ZACN: variants seen among roughly 807,000 people sequenced by gnomAD.
ZACN encodes the protein zinc activated ion channel, also known as ligand-gated cation channel ZACN.
In ZACN, 52 loss-of-function variants were observed where a neutral mutation model predicts 38.9. The observed-to-expected ratio is 1.34, with a 90% CI of 1.07 to 1.68. The LOEUF (loss-of-function observed/expected upper bound fraction) is 1.68, where lower values mean the gene tolerates loss of function less well. ZACN is among the 40% of genes most tolerant of loss of function. ZACN has a pLI of 0.00. For missense variants in ZACN, 559 were observed against 525.6 expected (o/e 1.06, Z -0.62); for synonymous variants, 235 against 227.4 (o/e 1.03, Z -0.30).
rs1319686230 is a variant in ZACN, at chr17:76,079,891, T to C, written c.271T>C (p.Trp91Arg). The change falls in exon 4 of 9, where the codon TGG (tryptophan) becomes CGG (arginine). Residue 91 changes from tryptophan to arginine, a missense_variant. Physicochemically the swap from Trp to Arg is moderately radical, Grantham distance 101. Coordinates refer to ENST00000334586, the MANE Select transcript of ZACN (RefSeq NM_180990.4). Reference sequence around the variant, plus strand: ...AGTGGTGCCCTTGTGTCCCCAGTCCTGGCTGGACACTCGCCTGGCCTGGAA... The same window carrying C: ...AGTGGTGCCCTTGTGTCCCCAGTCCCGGCTGGACACTCGCCTGGCCTGGAA... ...MSSMLLLRLS[W>R]LDTRLAWNTS... 1 of 1,593,478 alleles carries C rather than the reference T, an allele frequency of 6.3e-7. No individual in the cohort carries two copies. Among genetic ancestry groups the C allele is most frequent in the African/African-American group, 1.3e-5 (1 of 74,362 alleles).
rs758965476 is a variant in ZACN, at chr17:76,080,312, C to G, written c.432C>G (p.His144Gln). 6 of 1,613,724 alleles carry G rather than the reference C, an allele frequency of 3.7e-6. No individual in the cohort carries two copies. The highest frequency in any genetic ancestry group is 3.4e-6 in the Non-Finnish European group (4 of 1,179,882). The stretch of plus-strand genomic sequence containing the variant: ...AGGCTCGAGTAGACCAGGACGGCCA[C>G]GTGAAGCTCAACCTGGCCCTCGCCA... ...SPQARVDQDGHVKLNLALATE... is the reference protein window; with the variant it reads ...SPQARVDQDGQVKLNLALATE... The change falls in exon 5 of 9, where the codon CAC becomes CAG. Residue 144 changes from histidine to glutamine, a missense_variant. Coordinates refer to ENST00000334586, the MANE Select transcript of ZACN (RefSeq NM_180990.4).
chr17:76,080,906 G>A (rs113433661), intron 5 of ZACN: 3 of 445,902 alleles, frequency 6.7e-6, no homozygotes, highest in Non-Finnish European at 1.3e-5. Flanking sequence ...TAACTTGGCA[G>A]AGAAGTCCTA....
chr17:76,082,034 C>A lies in ZACN; in HGVS notation c.1033C>A (p.Pro345Thr). Residue 345 changes from proline (P) to threonine (T), a missense_variant, in exon 8 of 9, where the codon CCT (proline) becomes ACT (threonine). Transcript: ENST00000334586. ...ACAGCGAGAGCACGGCAACCCAGGG[C>A]CTCATCCTGCTGAAGGTGGGCAGGG... The part of the protein sequence containing the change: ...GEQREHGNPG[P>T]HPAEEPSRGV... The A allele has an allele frequency of 6.2e-7, 1 of 1,609,106 alleles. No individual in the cohort carries two copies. The highest frequency in any genetic ancestry group is 1.7e-4 in the Middle Eastern group (1 of 6,018).
chr17:76,080,361 C>G lies in ZACN; in HGVS notation c.481C>G (p.Leu161Val), dbSNP rs759503538. 4 of 1,613,834 alleles carry G rather than the reference C, an allele frequency of 2.5e-6. No homozygotes were observed. The highest frequency in any genetic ancestry group is 3.4e-6 in the Non-Finnish European group (4 of 1,179,822). The change falls in exon 5 of 9, where the codon CTC becomes GTC. Residue 161 changes from leucine to valine, a missense_variant. By Grantham distance (32) the Leu-to-Val change is conservative (BLOSUM62 1). Transcript: ENST00000334586. ...LATETNCNFE[L>V]LHFPRDHSNC... ...CACGGAGACCAACTGCAACTTTGAG[C>G]TCCTCCACTTCCCCCGGGACCACAG...
At position 76,082,719 on chromosome 17, in the gene ZACN, T is replaced by C; in HGVS notation, c.*66T>C. 1 of 1,480,610 alleles carries C rather than the reference T, an allele frequency of 6.8e-7. No individual in the cohort carries two copies. The highest frequency in any genetic ancestry group is 9.0e-7 in the Non-Finnish European group (1 of 1,111,426). The allele number at this position is 1,480,610 out of a possible 1,614,324, so 91.7% of individuals were successfully genotyped here. On this transcript the variant is annotated 3_prime_UTR_variant, in exon 9 of 9. Transcript: ENST00000334586. The stretch of plus-strand genomic sequence containing the variant: ...CTTTCCCATGGCTGGGGGCGGGCCA[T>C]GACAGGGCCTCTGGATTAAGCCACC...
Position 76,079,929 on chromosome 17 carries a change from C to T in ZACN, c.309C>T (p.His103=). The T allele has an allele frequency of 3.7e-6, 6 of 1,600,602 alleles. No homozygotes were observed. The highest frequency in any genetic ancestry group is 4.3e-6 in the Non-Finnish European group (5 of 1,173,742). ...DTRLAWNTSA[H]PRHAITLPWE... Reference sequence around the variant, plus strand: ...GCCTGGCCTGGAACACTAGTGCACACCCGCGGCACGCCATCACGCTGCCCT... The same window carrying T: ...GCCTGGCCTGGAACACTAGTGCACATCCGCGGCACGCCATCACGCTGCCCT... Residue 103 remains histidine, a synonymous_variant, in exon 4 of 9, where the codon CAC becomes CAT. Transcript: ENST00000334586.
chr17:76,080,014 C>A lies in ZACN; in HGVS notation c.374+20C>A, dbSNP rs764362832. 1 of 1,553,532 alleles carries A rather than the reference C, an allele frequency of 6.4e-7. No homozygotes were observed. The highest frequency in any genetic ancestry group is 8.7e-7 in the Non-Finnish European group (1 of 1,148,458). On this transcript the variant is annotated intron_variant, in intron 4 of 8. Coordinates refer to ENST00000334586, the MANE Select transcript of ZACN (RefSeq NM_180990.4). Reference sequence around the variant, plus strand: ...GGAGGCGTAAGTGAGACAGTTCCTGCCCCAGGAATCTGCCATGCATAGCCC... The same window carrying A: ...GGAGGCGTAAGTGAGACAGTTCCTGACCCAGGAATCTGCCATGCATAGCCC...
intron 5 of ZACN, chr17:76,080,838 C>T (rs1315094704): frequency 4.2e-6 from 2 of 473,510 alleles, no homozygotes; most frequent in Non-Finnish European, 8.4e-6. Context: ...GCCATGGCCT[C>T]ACTCCTGGAA....
In ZACN at chr17:76,081,357, G is replaced by C; in HGVS notation, c.624G>C (p.Lys208Asn). ...VKREYVVYDLKTQVPPQQLVP... is the reference protein window; with the variant it reads ...VKREYVVYDLNTQVPPQQLVP... The stretch of plus-strand genomic sequence containing the variant: ...GGGAATACGTAGTTTATGATCTGAA[G>C]ACCCAAGTCCCACCCCAGCAGCTGG... The change falls in exon 6 of 9, where the codon AAG (lysine) becomes AAC (asparagine). Residue 208 changes from lysine (K) to asparagine (N), a missense_variant. Lys to Asn is a moderately conservative substitution (Grantham distance 94). Coordinates refer to ENST00000334586, the MANE Select transcript of ZACN (RefSeq NM_180990.4). The C allele has an allele frequency of 6.2e-7, 1 of 1,614,178 alleles. No individual in the cohort carries two copies.
intron 5 of ZACN, chr17:76,081,068 T>C: frequency 1.7e-6 from 1 of 579,680 alleles, no homozygotes; most frequent in African/African-American, 1.9e-5. Flanking sequence ...TCTATGAATC[T>C]GATAAAGGCC....
At position 76,079,366 on chromosome 17, in the gene ZACN, G is replaced by A. The variant is rs2066915825; in HGVS notation, c.97+5G>A. Reference sequence around the variant, plus strand: ...GCTTCCAAGGGACAGCAGCCAGTAGGTGGAGGGCAAGGTCATAAGCTTTGG... The same window carrying A: ...GCTTCCAAGGGACAGCAGCCAGTAGATGGAGGGCAAGGTCATAAGCTTTGG... On this transcript the variant is annotated splice_donor_5th_base_variant and intron_variant, in intron 1 of 8. Coordinates refer to ENST00000334586, the MANE Select transcript of ZACN (RefSeq NM_180990.4). 2.5e-6 allele frequency: 4 copies of A among 1,613,978 alleles called. No homozygotes were observed. The highest frequency in any genetic ancestry group is 3.4e-6 in the Non-Finnish European group (4 of 1,179,956).
intron 5 of ZACN, 63 bp from the exon 6 acceptor site, chr17:76,081,215 C>A: frequency 6.3e-7 from 1 of 1,599,102 alleles, no homozygotes; most frequent in South Asian, 1.1e-5. Flanking sequence ...CAGTCTGCTA[C>A]CCCCAGACTT....
Position 76,081,640 on chromosome 17 carries a change from C to T in ZACN, c.765C>T (p.Pro255=). Residue 255 remains proline, a synonymous_variant, in exon 7 of 9, where the codon CCC becomes CCT. Coordinates refer to ENST00000334586, the MANE Select transcript of ZACN (RefSeq NM_180990.4). ...CTGACGTGTGCGGGGGGTTGCTGCC[C>T]CTCCGGGCCATTGAGCGCATAGGCT... ...LLADVCGGLL[P]LRAIERIGYK... The T allele has an allele frequency of 6.2e-7, 1 of 1,614,134 alleles. No individual in the cohort carries two copies.
intron 1 of ZACN, 30 bp downstream of exon 1, chr17:76,079,391 G>T (rs754152108): frequency 1.9e-6 from 3 of 1,614,008 alleles, no homozygotes. Context: ...ATAAGCTTTG[G>T]GACTTGGGCC....
At position 76,081,599 on chromosome 17, in the gene ZACN, G is replaced by C. The variant is rs1187341850; in HGVS notation, c.724G>C (p.Glu242Gln). 1 of 1,614,040 alleles carries C rather than the reference G, an allele frequency of 6.2e-7. No homozygotes were observed. Among genetic ancestry groups the C allele is most frequent in the East Asian group, 2.2e-5 (1 of 44,886 alleles). ...CATCATCGCTCTCTTGGTGCCTGCA[G>C]AGGCACTGCTGTTGGCTGACGTGTG... ...KSIIALLVPA[E>Q]ALLLADVCGG... Residue 242 changes from glutamate to glutamine, a missense_variant, in exon 7 of 9, where the codon GAG becomes CAG. By Grantham distance (29) the Glu-to-Gln change is conservative. Transcript: ENST00000334586.
chr17:76,081,295 C>T lies in ZACN; in HGVS notation c.562C>T (p.Gln188Ter). ...CCCCTCAGCGATGGAGTTAGAGTTC[C>T]AGGCCCACGTGGTGAACGAGATTGT... ...LSNTAMELEF[Q>*]AHVVNEIVSV... The change falls in exon 6 of 9, where the codon CAG becomes TAG. Residue 188 changes from glutamine to a stop codon, truncating the protein, a stop_gained. Coordinates refer to ENST00000334586, the MANE Select transcript of ZACN (RefSeq NM_180990.4). LOFTEE classifies it high-confidence loss of function. The T allele has an allele frequency of 6.2e-7, 1 of 1,613,960 alleles. No individual in the cohort carries two copies. The highest frequency in any genetic ancestry group is 8.5e-7 in the Non-Finnish European group (1 of 1,180,016).
In ZACN at chr17:76,081,690, A is replaced by T. The variant is rs1479548159; in HGVS notation, c.815A>T (p.Tyr272Phe). 6.2e-7 allele frequency: 1 copy of T among 1,613,954 alleles called. No individual in the cohort carries two copies. The highest frequency in any genetic ancestry group is 1.7e-5 in the Admixed American group (1 of 60,008). Residue 272 changes from tyrosine to phenylalanine, a missense_variant, in exon 7 of 9, where the codon TAC (tyrosine) becomes TTC (phenylalanine). Coordinates refer to ENST00000334586, the MANE Select transcript of ZACN (RefSeq NM_180990.4). The stretch of plus-strand genomic sequence containing the variant: ...TACAAGGTGACATTGCTGCTGAGTT[A>T]CCTCGTCCTCCACTCCTCCCTGGTG... The part of the protein sequence containing the change: ...IGYKVTLLLS[Y>F]LVLHSSLVQA...
chr17:76,082,137 G>T (rs772938472), intron 8 of ZACN, 88 bp downstream of exon 8: 65 of 1,445,770 alleles, frequency 4.5e-5, no homozygotes, highest in Non-Finnish European at 5.8e-5. Context: ...GTGGGTAGAG[G>T]CCCCTTGCAT....
Position 76,081,892 on chromosome 17 carries a change from C to T in ZACN, c.891C>T (p.Phe297=), listed in dbSNP as rs367895945. The T allele has an allele frequency of 7.5e-6, 12 of 1,610,130 alleles. No individual in the cohort carries two copies. The highest frequency in any genetic ancestry group is 1.0e-5 in the Non-Finnish European group (12 of 1,177,608). Residue 297 remains phenylalanine, a synonymous_variant, in exon 8 of 9, where the codon TTC becomes TTT. Coordinates refer to ENST00000334586, the MANE Select transcript of ZACN (RefSeq NM_180990.4). ...SSCNPLLIYY[F]TILLLLLFLS... ...CCCTGCCTCCCCCAGTTTACTACTT[C>T]ACCATCCTGCTGCTGCTGCTCTTCC...
Sources: allele counts gnomAD v4.1 joint callset, GRCh38; gene constraint gnomAD v4.1.1; transcripts MANE v1.5; gene names NCBI Gene and HGNC (gene_info 2026-07-23, HGNC 2026-07-21).